The following BRD1 variants were observed in gnomAD, a reference collection of about 807,000 sequenced individuals.
BRD1 encodes the protein bromodomain containing 1, also known as bromodomain-containing protein 1.
A neutral mutation model predicts 107.7 loss-of-function variants in BRD1; 24 were observed. The ratio of observed to expected loss-of-function variants is 0.22; its 90% CI spans 0.16 to 0.31. The LOEUF (loss-of-function observed/expected upper bound fraction) is 0.31, where lower values mean the gene tolerates loss of function less well. BRD1 is among the 10% of genes least tolerant of loss of function. BRD1 has a pLI of 1.00. For synonymous variants in BRD1, 744 were observed against 686.1 expected, an observed-to-expected ratio of 1.08 and a Z score of -1.32; for missense variants, 1,279 against 1,638.6, an observed-to-expected ratio of 0.78 and a Z score of 3.79.
At chr22:49,789,494 C>A (rs1235458857) in intron 7 of BRD1, among the ~76,000 whole-genome samples, 3 of 150,716 alleles carry the variant, frequency 2.0e-5, no homozygotes, top group East Asian at 2.0e-4. Flanking sequence ...CTAGCCTCCC[C>A]CCCCCGCCCC....
chr22:49,786,783 A>C (rs1264235521), intron 8 of BRD1, among the ~76,000 whole-genome samples: 1 of 152,084 alleles, frequency 6.6e-6, no homozygotes, highest in Non-Finnish European at 1.5e-5. Context: ...GACCAATTAA[A>C]ACTACACCTG....
rs773539531 is a variant in BRD1, at chr22:49,797,903, C to T, written c.2000G>A (p.Arg667Gln). Reference protein sequence around the residue: ...DQGGVVLRQARREVDSIGLEE... With the variant: ...DQGGVVLRQAQREVDSIGLEE... ...CAAGCCGATGCTGTCCACCTCGCGCCGGGCCTGCCTCAGAACAACACCTCC... is the reference window on the plus strand; with the variant it reads ...CAAGCCGATGCTGTCCACCTCGCGCTGGGCCTGCCTCAGAACAACACCTCC... The change falls in exon 6 of 13, where the codon CGG becomes CAG. Residue 667 changes from arginine (R) to glutamine (Q), a missense_variant. Arg to Gln is a conservative substitution (Grantham distance 43). Coordinates refer to ENST00000404760, the MANE Select transcript of BRD1 (RefSeq NM_001304808.3). 3.5e-5 allele frequency: 56 copies of T among 1,613,954 alleles called. No individual in the cohort carries two copies. Among genetic ancestry groups the T allele is most frequent in the South Asian group, 6.6e-5 (6 of 91,088 alleles).
chr22:49,787,272 A>G (rs2059344141), intron 8 of BRD1, 118 bp downstream of exon 8: 2 of 1,293,958 alleles, frequency 1.5e-6, no homozygotes, highest in South Asian at 1.5e-5. Flanking sequence ...GGAAATTAAG[A>G]GAATGCTGCA....
At chr22:49,776,917 TG>T in intron 10 of BRD1, 116 bp downstream of exon 10, 1 of 1,455,546 alleles carries the variant, frequency 6.9e-7, no homozygotes, top group Non-Finnish European at 9.4e-7. Context: ...TTGGCCAGGG[TG>T]GGGCTCCACA....
intron 2 of BRD1, chr22:49,818,301 C>T: frequency 7.8e-7 from 1 of 1,278,302 alleles, no homozygotes; most frequent in South Asian, 1.3e-5. Flanking sequence ...CTGAAGCAGT[C>T]AAAGGAACCA....
intron 8 of BRD1, among the ~76,000 whole-genome samples, chr22:49,785,244 G>A (rs562155162): frequency 2.0e-5 from 3 of 152,378 alleles, no homozygotes; most frequent in South Asian, 2.1e-4. Context: ...GGCAGGGCCC[G>A]GTCAGGTGGG....
intron 2 of BRD1, among the ~76,000 whole-genome samples, chr22:49,822,013 T>C (rs977680811): frequency 2.0e-5 from 3 of 152,240 alleles, no homozygotes; most frequent in African/African-American, 7.2e-5. Flanking sequence ...CAGCAGTGGA[T>C]GTCCCGATGC....
intron 7 of BRD1, among the ~76,000 whole-genome samples, chr22:49,788,616 G>A (rs1262624980): frequency 6.6e-6 from 1 of 152,218 alleles, no homozygotes; most frequent in African/African-American, 2.4e-5. Context: ...AAAGCCCGAG[G>A]TCAGGAGGAC....
At chr22:49,815,178 C>G (rs2059926349) in intron 2 of BRD1, among the ~76,000 whole-genome samples, 1 of 152,208 alleles carries the variant, frequency 6.6e-6, no homozygotes, top group Non-Finnish European at 1.5e-5. Context: ...GTGAGAAACG[C>G]AGCCCATGCT....
At position 49,787,652 on chromosome 22, in the gene BRD1, C is replaced by T. The variant is rs1194401153; in HGVS notation, c.2595G>A (p.Ala865=). 3 of 1,550,582 alleles carry T rather than the reference C, an allele frequency of 1.9e-6. No homozygotes were observed. The highest frequency in any genetic ancestry group is 2.0e-5 in the Admixed American group (1 of 51,014). The change falls in exon 8 of 13, where the codon GCG becomes GCA. Residue 865 remains alanine, a synonymous_variant. Transcript: ENST00000404760. ...CTGGCTCCGCCACCGCGGAGGCCGCCGCCGCCGGCACATCGCCACTACTGG... is the reference window on the plus strand; with the variant it reads ...CTGGCTCCGCCACCGCGGAGGCCGCTGCCGCCGGCACATCGCCACTACTGG... ...TRASSGDVPA[A]AASAVAEPAS...
chr22:49,817,320 TA>T, intron 2 of BRD1: 1 of 198,720 alleles, frequency 5.0e-6, no homozygotes. Flanking sequence ...CAAAGAGAAA[TA>T]AAAAGAGGCA....
chr22:49,774,192 T>C lies in BRD1; in HGVS notation c.*41A>G. ...GAACAATATACAAACATGTACAGCT[T>C]ATCAACACTATGGACAAGACCCGCG... On this transcript the variant is annotated 3_prime_UTR_variant, in exon 13 of 13. Transcript: ENST00000404760. The C allele has an allele frequency of 1.9e-6, 3 of 1,587,168 alleles. No homozygotes were observed. Among genetic ancestry groups the C allele is most frequent in the East Asian group, 4.5e-5 (2 of 44,386 alleles).
chr22:49,822,979 C>T lies in BRD1; in HGVS notation c.1339G>A (p.Val447Met), dbSNP rs765682058. Residue 447 changes from valine to methionine, a missense_variant, in exon 2 of 13, where the codon GTG becomes ATG. Around this residue, in one of 7 missense-constraint regions of BRD1, gnomAD observed 87 missense variants for 77.1 expected, o/e 1.13. Coordinates refer to ENST00000404760, the MANE Select transcript of BRD1 (RefSeq NM_001304808.3). ...TGCGGGGGAATATAAGGAGCGCACA[C>T]GGTCGGCAGGACCGCGCAGGGCTCA... ...LAEPCAVLPT[V>M]CAPYIPPQRL... The T allele has an allele frequency of 3.1e-6, 5 of 1,614,072 alleles. No individual in the cohort carries two copies. Among genetic ancestry groups the T allele is most frequent in the Middle Eastern group, 1.6e-4 (1 of 6,084 alleles).
Position 49,777,826 on chromosome 22 carries a change from C to G in BRD1, c.2858-13G>C, listed in dbSNP as rs115473526. On this transcript the variant is annotated splice_polypyrimidine_tract_variant and intron_variant, in intron 8 of 12. Transcript: ENST00000404760. ...CCGTTGGTGAGACCTGGAACACAGG[C>G]GGGCAGGCCCTGAGCTCAGCACAAC... 1 of 1,589,824 alleles carries G rather than the reference C, an allele frequency of 6.3e-7. No individual in the cohort carries two copies. The highest frequency in any genetic ancestry group is 1.3e-5 in the African/African-American group (1 of 74,786).
At position 49,798,115 on chromosome 22, in the gene BRD1, T is replaced by G; in HGVS notation, c.1788A>C (p.Val596=). 1 of 1,597,274 alleles carries G rather than the reference T, an allele frequency of 6.3e-7. No individual in the cohort carries two copies. Among genetic ancestry groups the G allele is most frequent in the Middle Eastern group, 1.7e-4 (1 of 5,982 alleles). The change falls in exon 6 of 13, where the codon GTA becomes GTC. Residue 596 remains valine, a splice_region_variant and synonymous_variant. Transcript: ENST00000404760. ...GTTTAATGTGATCCAAATAATCTGG[T>G]ACCTAATTTTAGGGAGGAAAAAGAA... ...IFAQPVSLKE[V]PDYLDHIKHP... is the part of the protein sequence containing the mutation.
chr22:49,784,895 C>T (rs186834239), intron 8 of BRD1, among the ~76,000 whole-genome samples: 61 of 152,302 alleles, frequency 4.0e-4, no homozygotes, highest in African/African-American at 9.6e-5. Flanking sequence ...CTGAGGCTCC[C>T]GGCTGCTCAG....
intron 1 of BRD1, among the ~76,000 whole-genome samples, chr22:49,825,420 C>T (rs1424795834): frequency 6.6e-6 from 1 of 152,116 alleles, no homozygotes; most frequent in Non-Finnish European, 1.5e-5. Context: ...AGTGAGCTGC[C>T]TCCCATACCT....
intron 7 of BRD1, among the ~76,000 whole-genome samples, chr22:49,788,234 T>G (rs960427264): frequency 6.6e-6 from 1 of 152,192 alleles, no homozygotes; most frequent in African/African-American, 2.4e-5. Context: ...AAAAGGTATC[T>G]CACATAACTA....
chr22:49,794,815 C>T (rs1483273309), intron 6 of BRD1, among the ~76,000 whole-genome samples: 1 of 152,160 alleles, frequency 6.6e-6, no homozygotes, highest in African/African-American at 2.4e-5. Flanking sequence ...CTTTAGTAAA[C>T]GGGTTGTAAA....
Sources: allele counts gnomAD v4.1 joint callset (sites outside exome capture counted in the v4.1 genomes callset), GRCh38; gene constraint gnomAD v4.1.1; regional missense constraint gnomAD v4.1.1; transcripts MANE v1.5; gene names NCBI Gene and HGNC (gene_info 2026-07-23, HGNC 2026-07-21).